SYNE3: variants seen among roughly 807,000 people sequenced by gnomAD.
SYNE3 encodes spectrin repeat containing nuclear envelope family member 3, also known as nesprin-3.
In SYNE3, 100 loss-of-function variants were observed where a neutral mutation model predicts 111.2. That is an observed-to-expected ratio of 0.90 (90% CI 0.77 to 1.06). The LOEUF is 1.06. Ranked by LOEUF, SYNE3 falls within the 50% of genes least tolerant of loss-of-function variation. The probability of loss-of-function intolerance (pLI) is 0.00; values close to 1 mark genes in which losing one functional copy is unlikely to be tolerated. For missense variants in SYNE3, 1,160 were observed against 1,240.3 expected (o/e 0.94, Z 0.97); for synonymous variants, 547 against 533.9 (o/e 1.02, Z -0.34).
At chr14:95,442,202 G>A (rs375379684) in intron 11 of SYNE3, among the ~76,000 whole-genome samples, 6 of 152,322 alleles carry the variant, frequency 3.9e-5, no homozygotes, top group East Asian at 3.9e-4. Flanking sequence ...ACTAGAGGCC[G>A]TGATGGTTGT....
intron 11 of SYNE3, among the ~76,000 whole-genome samples, 168 bp downstream of exon 11, chr14:95,442,987 G>A (rs1384416518): frequency 6.6e-6 from 1 of 152,156 alleles, no homozygotes; most frequent in African/African-American, 2.4e-5. Context: ...TATGGGAGGT[G>A]CTCAATAATT....
intron 1 of SYNE3, among the ~76,000 whole-genome samples, chr14:95,504,768 C>T (rs1363128161): frequency 6.6e-6 from 1 of 152,000 alleles, no homozygotes; most frequent in Non-Finnish European, 1.5e-5. Context: ...ATCACTTGAG[C>T]CCAGGAGTTC....
chr14:95,461,101 A>G (rs191018516), intron 4 of SYNE3, among the ~76,000 whole-genome samples: 4 of 152,218 alleles, frequency 2.6e-5, no homozygotes, highest in Non-Finnish European at 5.9e-5. Flanking sequence ...AAGGTGCTCA[A>G]CCTTCTCGTT....
intron 1 of SYNE3, among the ~76,000 whole-genome samples, chr14:95,478,058 T>G (rs560373587): frequency 5.3e-5 from 8 of 152,206 alleles, no homozygotes; most frequent in African/African-American, 1.9e-4. Flanking sequence ...CCTGTGAGGC[T>G]CAGTGGTTGG....
rs377215210 is a variant in SYNE3, at chr14:95,430,250, G to C, written c.2727+1829C>G. ...TGGCCTAGGGGCTGCATAGGTGGGG[G>C]CTTCCAACCAGAGAGAGGCTTAAAG... On this transcript the variant is annotated intron_variant, in intron 17 of 17. Coordinates refer to ENST00000682763, the MANE Select transcript of SYNE3 (RefSeq NM_152592.6). 3.3e-5 allele frequency among the ~76,000 whole-genome samples: 5 copies of C among 152,234 alleles called. No individual in the cohort carries two copies. In the South Asian group the frequency reaches 1.0e-3, roughly 32 times the overall value.
At chr14:95,437,096 G>C in intron 14 of SYNE3, 115 bp from the exon 15 acceptor site, 12 of 1,292,958 alleles carry the variant, frequency 9.3e-6, no homozygotes, top group Non-Finnish European at 1.3e-5. Flanking sequence ...GCCCAAAATG[G>C]CGACGGGAGA....
chr14:95,436,210 G>A (rs1339637990), intron 15 of SYNE3, among the ~76,000 whole-genome samples: 1 of 152,130 alleles, frequency 6.6e-6, no homozygotes, highest in East Asian at 1.9e-4. Flanking sequence ...CTTGACTCTA[G>A]GCTGGTTTTG....
intron 1 of SYNE3, among the ~76,000 whole-genome samples, chr14:95,501,426 C>T (rs1325360383): frequency 1.3e-5 from 2 of 152,176 alleles, no homozygotes; most frequent in African/African-American, 4.8e-5. Context: ...ATCTTTGCTC[C>T]GTGTGTTCAG....
intron 4 of SYNE3, among the ~76,000 whole-genome samples, chr14:95,458,095 CAG>C (rs774395869): frequency 6.6e-6 from 1 of 152,302 alleles, no homozygotes; most frequent in East Asian, 1.9e-4. Context: ...TTTGGAAAAA[CAG>C]TGGTGTCCTG....
chr14:95,483,757 C>T (rs922831156), intron 1 of SYNE3, among the ~76,000 whole-genome samples: 4 of 152,186 alleles, frequency 2.6e-5, no homozygotes, highest in African/African-American at 7.2e-5. Context: ...TAGAGGTGAG[C>T]AGACAGAGGC....
In SYNE3 at chr14:95,455,551, CT is replaced by C; in HGVS notation, c.962del (p.Glu321GlyfsTer79). On this transcript the variant is annotated frameshift_variant, in exon 6 of 18. Transcript: ENST00000682763. LOFTEE classifies it high-confidence loss of function. Reference sequence around the variant, plus strand: ...TGGACCGGAGCAGGCCCCGCAGCCGCTCCTCCTCCTCCTCCCAGAGGGCGCG... The same window carrying C: ...TGGACCGGAGCAGGCCCCGCAGCCGCCCTCCTCCTCCTCCCAGAGGGCGCG... Reference protein sequence around the residue: ...KLRALWEEEEERLRGLLRSRG... With the variant: ...KLRALWEEEEXRLRGLLRSRG... 1 of 1,608,292 alleles carries C rather than the reference CT, an allele frequency of 6.2e-7. No homozygotes were observed. The highest frequency in any genetic ancestry group is 8.5e-7 in the Non-Finnish European group (1 of 1,177,096).
chr14:95,414,411 CTTT>C lies in SYNE3; in HGVS notation c.*3412_*3414del, dbSNP rs896762874. 1.3e-5 allele frequency: 2 copies of C among 152,206 alleles called. No homozygotes were observed. The highest frequency in any genetic ancestry group is 2.9e-5 in the Non-Finnish European group (2 of 68,046). 9.4% of individuals were successfully genotyped at this position (152,206 alleles called of 1,614,324 possible). A position where few individuals can be genotyped will look rare whatever the true frequency, so the allele number is the denominator to read the frequency against. Reference sequence around the variant, plus strand: ...CCCACGAGCACCAAACGAGCACATTCTTTGTCTCCCTTGTCGGTGTTCCCTCTG... The same window carrying C: ...CCCACGAGCACCAAACGAGCACATTCGTCTCCCTTGTCGGTGTTCCCTCTG... On this transcript the variant is annotated 3_prime_UTR_variant, in exon 18 of 18. Coordinates refer to ENST00000682763, the MANE Select transcript of SYNE3 (RefSeq NM_152592.6).
intron 8 of SYNE3, among the ~76,000 whole-genome samples, chr14:95,447,648 T>C (rs1470302858): frequency 6.6e-6 from 1 of 152,232 alleles, no homozygotes; most frequent in African/African-American, 2.4e-5. Flanking sequence ...ATCTAGCTTG[T>C]GTTCAGTCAC....
intron 8 of SYNE3, among the ~76,000 whole-genome samples, chr14:95,448,989 T>C (rs1886884757): frequency 6.6e-6 from 1 of 152,226 alleles, no homozygotes; most frequent in Admixed American, 6.5e-5. Context: ...ATCAGAATGA[T>C]TATACATCTC....
chr14:95,464,854 A>T (rs1595223376), intron 4 of SYNE3, among the ~76,000 whole-genome samples: 1 of 152,348 alleles, frequency 6.6e-6, no homozygotes, highest in South Asian at 2.1e-4. Context: ...TCAGCCTTAG[A>T]CCTGGAACCT....
chr14:95,420,790 C>CA (rs1295844316), intron 17 of SYNE3, among the ~76,000 whole-genome samples: 10 of 152,070 alleles, frequency 6.6e-5, no homozygotes, highest in African/African-American at 2.4e-4. Flanking sequence ...AGAAAAATGA[C>CA]AATCTTGGCT....
chr14:95,491,527 A>G (rs374850817), intron 1 of SYNE3, among the ~76,000 whole-genome samples: 19 of 152,330 alleles, frequency 1.2e-4, no homozygotes, highest in African/African-American at 4.6e-4. Flanking sequence ...TCCACATGAA[A>G]AAGAATGAGA....
Position 95,418,014 on chromosome 14 carries a change from G to C in SYNE3, c.2740C>G (p.Arg914Gly), listed in dbSNP as rs566185678. Residue 914 changes from arginine to glycine, a missense_variant, in exon 18 of 18, where the codon CGA (arginine) becomes GGA (glycine). Arg to Gly is a moderately radical substitution (Grantham distance 125). Coordinates refer to ENST00000682763, the MANE Select transcript of SYNE3 (RefSeq NM_152592.6). Reference protein sequence around the residue: ...PTGFQKTRRWRGLGSLFRRAC... With the variant: ...PTGFQKTRRWGGLGSLFRRAC... Reference sequence around the variant, plus strand: ...CTCCGGAAGAGGGAGCCCAGTCCTCGCCACCGCCGAGTCTGCGGAACCAAC... The same window carrying C: ...CTCCGGAAGAGGGAGCCCAGTCCTCCCCACCGCCGAGTCTGCGGAACCAAC... The C allele has an allele frequency of 1.2e-6, 2 of 1,609,952 alleles. No individual in the cohort carries two copies. The highest frequency in any genetic ancestry group is 2.2e-5 in the East Asian group (1 of 44,884).
chr14:95,486,200 C>G (rs1889537135), intron 1 of SYNE3, among the ~76,000 whole-genome samples: 1 of 152,136 alleles, frequency 6.6e-6, no homozygotes, highest in Non-Finnish European at 1.5e-5. Context: ...ATCCCAGGTA[C>G]TGAGCCAGCC....
Sources: gnomAD v4.1 joint callset for allele counts (sites outside exome capture counted in the v4.1 genomes callset) on GRCh38, gnomAD v4.1.1 for gene constraint, MANE v1.5 for transcripts, NCBI Gene and HGNC (gene_info 2026-07-23, HGNC 2026-07-21) for gene names.